The following PACRG variants were observed in gnomAD, a reference collection of about 807,000 sequenced individuals.
PACRG encodes the protein parkin coregulated, also known as parkin coregulated gene protein.
In PACRG, 29 loss-of-function variants were observed where a neutral mutation model predicts 29.7. The ratio of observed to expected loss-of-function variants is 0.98; its 90% CI spans 0.73 to 1.33. The LOEUF is 1.33. Ranked by LOEUF, PACRG falls within the 40% of genes most tolerant of loss-of-function variation. The pLI is 0.00. For missense variants in PACRG, 279 were observed against 316.2 expected (o/e 0.88, Z 0.89); for synonymous variants, 116 against 118.7 (o/e 0.98, Z 0.15).
Position 163,102,865 on chromosome 6 carries a change from G to GGTTTGTTT in PACRG, c.613+13469_613+13476dup, listed in dbSNP as rs200942501. 1.8e-3 allele frequency among the ~76,000 whole-genome samples: 271 copies of GGTTTGTTT among 152,232 alleles called. 1 individual carries two copies. The highest frequency in any genetic ancestry group is 6.1e-3 in the African/African-American group (254 of 41,510). ...CCAACAGCAATGAGCTGAAAGCTAG[G>GGTTTGTTT]GTTTGTTTGTTTGTTTGTTGTTTGT... On this transcript the variant is annotated intron_variant, in intron 4 of 4. Transcript: ENST00000366888.
intron 2 of PACRG, among the ~76,000 whole-genome samples, chr6:163,056,159 G>A (rs997372619): frequency 1.3e-5 from 2 of 152,180 alleles, no homozygotes; most frequent in Non-Finnish European, 2.9e-5. Flanking sequence ...TACATGGCTG[G>A]TGGGAATATA....
Position 163,086,314 on chromosome 6 carries a change from C to T in PACRG, c.464-2945C>T, listed in dbSNP as rs547442146. ...TGCGTGCCTTCTTCCTCCTCACCTT[C>T]TCATGGTGATCTGAAACCTTGTTCT... On this transcript the variant is annotated intron_variant, in intron 3 of 4. Coordinates refer to ENST00000366888, the MANE Select transcript of PACRG (RefSeq NM_001080379.2). Among the ~76,000 whole-genome samples the T allele has an allele frequency of 2.9e-4, 44 of 152,328 alleles. 1 individual carries two copies. The South Asian group carries it at 8.5e-3, about 29-fold the overall frequency.
chr6:162,831,419 G>T (rs1788763275), intron 2 of PACRG, among the ~76,000 whole-genome samples: 1 of 152,150 alleles, frequency 6.6e-6, no homozygotes, highest in Non-Finnish European at 1.5e-5. Flanking sequence ...TTGAGATCTT[G>T]AATAAGGTGA....
At chr6:162,776,237 C>T (rs1783632752) in intron 1 of PACRG, among the ~76,000 whole-genome samples, 1 of 152,190 alleles carries the variant, frequency 6.6e-6, no homozygotes, top group South Asian at 2.1e-4. Context: ...ATCAGATTCT[C>T]CTGTAGCATT....
chr6:162,815,170 A>G (rs1256836483), intron 2 of PACRG, among the ~76,000 whole-genome samples: 1 of 152,164 alleles, frequency 6.6e-6, no homozygotes, highest in Non-Finnish European at 1.5e-5. Flanking sequence ...GGTTAAGGAC[A>G]AGAAAAGGTT....
chr6:163,148,131 G>A (rs1777878537), intron 4 of PACRG, among the ~76,000 whole-genome samples: 1 of 152,306 alleles, frequency 6.6e-6, no homozygotes, highest in African/African-American at 2.4e-5. Context: ...TGCTTATAGT[G>A]TGTGTGTTGA....
intron 2 of PACRG, among the ~76,000 whole-genome samples, chr6:162,941,911 T>G (rs918955799): frequency 4.6e-5 from 7 of 152,206 alleles, no homozygotes; most frequent in African/African-American, 1.7e-4. Context: ...AGTTTGAGCT[T>G]TGCTCTACCC....
intron 4 of PACRG, among the ~76,000 whole-genome samples, chr6:163,171,465 C>T (rs1484903844): frequency 6.6e-6 from 1 of 152,176 alleles, no homozygotes; most frequent in Non-Finnish European, 1.5e-5. Context: ...GCCCATTTTA[C>T]AGATGAGGAA....
intron 4 of PACRG, among the ~76,000 whole-genome samples, chr6:163,108,758 A>G (rs1815544349): frequency 1.3e-5 from 2 of 152,196 alleles, no homozygotes; most frequent in Admixed American, 1.3e-4. Flanking sequence ...GCCAACCTAT[A>G]GCAATGTGAG....
At chr6:163,243,553 C>T (rs1053761157) in intron 4 of PACRG, among the ~76,000 whole-genome samples, 3 of 152,126 alleles carry the variant, frequency 2.0e-5, no homozygotes, top group Non-Finnish European at 4.4e-5. Flanking sequence ...CTTGTACCTA[C>T]ACGCCCACAC....
At chr6:162,756,559 A>G (rs1781940573) in intron 1 of PACRG, among the ~76,000 whole-genome samples, 1 of 152,150 alleles carries the variant, frequency 6.6e-6, no homozygotes, top group African/African-American at 2.4e-5. Context: ...ACCCTCTTAT[A>G]GGCAGCATGT....
chr6:163,178,604 A>G (rs1459987357), intron 4 of PACRG, among the ~76,000 whole-genome samples: 2 of 152,308 alleles, frequency 1.3e-5, no homozygotes, highest in East Asian at 3.9e-4. Flanking sequence ...CTGACAGGAG[A>G]GAAATTAAAC....
intron 4 of PACRG, among the ~76,000 whole-genome samples, chr6:163,119,249 A>G (rs552585953): frequency 2.6e-5 from 4 of 152,366 alleles, no homozygotes; most frequent in African/African-American, 9.6e-5. Flanking sequence ...AGCTCTTCGC[A>G]GCCATGAGAT....
intron 4 of PACRG, among the ~76,000 whole-genome samples, chr6:163,091,748 G>T (rs1047315058): frequency 6.6e-6 from 1 of 152,026 alleles, no homozygotes; most frequent in Non-Finnish European, 1.5e-5. Flanking sequence ...AAAGCTTATC[G>T]CAGGATTTTC....
chr6:163,074,607 C>T (rs1473601901), intron 3 of PACRG, among the ~76,000 whole-genome samples: 1 of 150,914 alleles, frequency 6.6e-6, no homozygotes, highest in Non-Finnish European at 1.5e-5. Flanking sequence ...TGATGAATAC[C>T]TCATTTACCC....
chr6:162,957,689 C>T (rs758570208), intron 2 of PACRG: 2 of 152,538 alleles, frequency 1.3e-5, no homozygotes, highest in Non-Finnish European at 1.5e-5. Context: ...TTTTGTCTCA[C>T]ATGCATATAA....
chr6:162,744,570 G>A (rs556566989), intron 1 of PACRG, among the ~76,000 whole-genome samples: 1 of 152,286 alleles, frequency 6.6e-6, no homozygotes, highest in South Asian at 2.1e-4. Flanking sequence ...TCCAGCCTCA[G>A]TGACACAGCG....
chr6:163,223,155 G>A (rs1413888876), intron 4 of PACRG, among the ~76,000 whole-genome samples: 2 of 152,050 alleles, frequency 1.3e-5, no homozygotes, highest in Non-Finnish European at 2.9e-5. Flanking sequence ...GTACTTTGGG[G>A]GGCCGAGGCG....
At chr6:163,300,469 C>G (rs776828979) in intron 4 of PACRG, among the ~76,000 whole-genome samples, 10 of 152,158 alleles carry the variant, frequency 6.6e-5, no homozygotes, top group Admixed American at 2.6e-4. Context: ...GGAGTCTCCT[C>G]GAAGCCTCCG....
Sources: gnomAD v4.1 joint callset for allele counts (sites outside exome capture counted in the v4.1 genomes callset) on GRCh38, gnomAD v4.1.1 for gene constraint, MANE v1.5 for transcripts, NCBI Gene and HGNC (gene_info 2026-07-23, HGNC 2026-07-21) for gene names.